The following CACNA1F variants were observed in gnomAD, a reference collection of about 807,000 sequenced individuals.
CACNA1F encodes calcium voltage-gated channel subunit alpha1 F, also known as voltage-dependent L-type calcium channel subunit alpha-1F.
Under a neutral mutation model 143.8 loss-of-function variants are expected in CACNA1F, and 59 were observed. That is an observed-to-expected ratio of 0.41 (90% CI 0.33 to 0.51). CACNA1F has a LOEUF of 0.51. Ranked by LOEUF, CACNA1F falls within the 20% of genes least tolerant of loss-of-function variation. The pLI, the probability that CACNA1F is intolerant of heterozygous loss-of-function variation, is 0.22. For synonymous variants in CACNA1F, 643 were observed against 649.1 expected (o/e 0.99, Z 0.14); for missense variants, 1,411 against 1,647.5 (o/e 0.86, Z 2.48).
At chrX:49,207,748 T>G (rs1485904344) in intron 43 of CACNA1F, among the ~76,000 whole-genome samples, 1 of 109,239 alleles carries the variant, frequency 9.2e-6, no homozygotes, top group African/African-American at 3.3e-5. Flanking sequence ...CACTCTGAAA[T>G]TTTTTTTTAA....
rs1557109510 is a variant in CACNA1F, at chrX:49,224,885, A to C, written c.1753T>G (p.Phe585Val). The C allele has an allele frequency of 8.3e-7, 1 of 1,207,282 alleles. No homozygotes were observed. Among genetic ancestry groups the C allele is most frequent in the Admixed American group, 2.2e-5 (1 of 45,945 alleles). ...CCCCCACAGACCACAAAGCAGTCAA[A>C]GCGGTTGAAGAAGGAAGACACATAG... ...SAYVSSFFNR[F>V]DCFVVCGGIL... The change falls in exon 14 of 48, where the codon TTT (phenylalanine) becomes GTT (valine). Residue 585 changes from phenylalanine to valine, a missense_variant. Phe to Val is a conservative substitution (Grantham distance 50). Transcript: ENST00000323022.
At chrX:49,208,208 A>G (rs1203476740) in intron 43 of CACNA1F, among the ~76,000 whole-genome samples, 1 of 109,332 alleles carries the variant, frequency 9.1e-6, no homozygotes, top group Non-Finnish European at 1.9e-5. Flanking sequence ...AAAAAAAAAA[A>G]AAAAAAAAAA....
intron 43 of CACNA1F, among the ~76,000 whole-genome samples, chrX:49,207,394 G>A (rs1175823149): frequency 1.8e-5 from 2 of 111,563 alleles, no homozygotes; most frequent in Admixed American, 9.5e-5. Context: ...TTAGGAGTGG[G>A]GGGAGCCTGT....
chrX:49,225,094 G>A lies in CACNA1F; in HGVS notation c.1652-108C>T, dbSNP rs782780999. The A allele has an allele frequency of 5.5e-4, 303 of 549,601 alleles. 1 individual carries two copies. The African/African-American group carries it at 6.0e-3, about 11-fold the overall frequency. 45.3% of individuals were successfully genotyped at this position (549,601 alleles called of 1,213,427 possible). On this transcript the variant is annotated intron_variant, in intron 13 of 47. Transcript: ENST00000323022. ...CCCACGGTAGCTGGTATCAGGCCAG[G>A]TGCTGGCTGAGGGAAGGCTTAGGGC... is the stretch of plus-strand genomic sequence containing the variant.
chrX:49,205,634 G>A lies in CACNA1F; in HGVS notation c.5652C>T (p.Ala1884=), dbSNP rs782554706. 6 of 1,202,303 alleles carry A rather than the reference G, an allele frequency of 5.0e-6. No homozygotes were observed. The African/African-American group carries it at 7.0e-5, about 14-fold the overall frequency. ...GACTCACAGCCTCCACCAAGCTGTC[G>A]GCACTGCCCCTCTTCCCATGGCTGG... The part of the protein sequence containing the change: ...SDPSHGKRGS[A]DSLVEAVLIS... Residue 1884 remains alanine, a synonymous_variant, in exon 47 of 48, where the codon GCC becomes GCT. Coordinates refer to ENST00000323022, the MANE Select transcript of CACNA1F (RefSeq NM_001256789.3).
intron 17 of CACNA1F, among the ~76,000 whole-genome samples, chrX:49,221,988 T>TA (rs60236413): frequency 0.089 from 8,875 of 100,139 alleles, 1,089 homozygotes; most frequent in African/African-American, 0.31. Context: ...CATATCAGAA[T>TA]AAAAAAAAAA....
At chrX:49,226,561 C>T in intron 10 of CACNA1F, 49 bp downstream of exon 10, 1 of 1,160,208 alleles carries the variant, frequency 8.6e-7, no homozygotes, top group South Asian at 1.9e-5. Context: ...CAATCTTTGG[C>T]TTTCACCTCT....
chrX:49,209,731 G>A lies in CACNA1F; in HGVS notation c.4719C>T (p.Tyr1573=), dbSNP rs782525398. 5 of 1,211,325 alleles carry A rather than the reference G, an allele frequency of 4.1e-6. No homozygotes were observed. In the East Asian group the frequency reaches 8.9e-5, roughly 21 times the overall value. Residue 1573 remains tyrosine (Y), a synonymous_variant, in exon 41 of 48, where the codon TAC becomes TAT. Coordinates refer to ENST00000323022, the MANE Select transcript of CACNA1F (RefSeq NM_001256789.3). The part of the protein sequence containing the change: ...DEEEVTVGKF[Y]ATFLIQDYFR... The stretch of plus-strand genomic sequence containing the variant: ...AATAGTCCTGGATCAGAAATGTGGC[G>A]TAGAATTTGCCCACGGTGACCTCCT...
At chrX:49,219,175 G>C (rs1208433591) in intron 21 of CACNA1F, 146 bp downstream of exon 21, 1 of 633,404 alleles carries the variant, frequency 1.6e-6, no homozygotes, top group Non-Finnish European at 2.5e-6. Flanking sequence ...TGCCGTAAAG[G>C]CTGGCATTGC....
intron 33 of CACNA1F, 99 bp downstream of exon 33, chrX:49,212,568 G>A (rs1338731908): frequency 1.1e-6 from 1 of 915,120 alleles, no homozygotes; most frequent in Admixed American, 2.5e-5. Flanking sequence ...AAATGGGTAT[G>A]GCATGTTGGG....
At chrX:49,211,171 G>T in intron 36 of CACNA1F, 79 bp from the exon 37 acceptor site, 1 of 1,120,069 alleles carries the variant, frequency 8.9e-7, no homozygotes, top group Admixed American at 2.2e-5. Context: ...GCTGGGGCGG[G>T]CTTATATGGT....
At chrX:49,206,071 G>A (rs1255627682) in intron 46 of CACNA1F, among the ~76,000 whole-genome samples, 4 of 111,281 alleles carry the variant, frequency 3.6e-5, no homozygotes, top group African/African-American at 9.8e-5. Context: ...AGCATTGTGT[G>A]CATTCATTCA....
intron 36 of CACNA1F, 91 bp downstream of exon 36, chrX:49,211,231 A>G (rs940977246): frequency 9.4e-5 from 105 of 1,119,764 alleles, no homozygotes; most frequent in South Asian, 3.1e-4. Flanking sequence ...CTCACCCACT[A>G]TGAAGATCTG....
intron 33 of CACNA1F, among the ~76,000 whole-genome samples, 165 bp from the exon 34 acceptor site, chrX:49,212,473 A>T (rs2065667079): frequency 8.9e-6 from 1 of 112,251 alleles, no homozygotes; most frequent in Non-Finnish European, 1.9e-5. Context: ...CATAGTGTTA[A>T]GTAGATAGAG....
chrX:49,216,291 G>A (rs1204034909), intron 27 of CACNA1F, 91 bp downstream of exon 27: 5 of 972,140 alleles, frequency 5.1e-6, no homozygotes, highest in Non-Finnish European at 7.3e-6. Context: ...CATCCCCAAG[G>A]TACACTCCCA....
intron 17 of CACNA1F, among the ~76,000 whole-genome samples, chrX:49,222,034 C>T (rs1220915164): frequency 1.8e-5 from 2 of 109,261 alleles, no homozygotes; most frequent in Non-Finnish European, 3.8e-5. Context: ...AAGCTTTGCA[C>T]TTGCCACTCC....
rs201940615 is a variant in CACNA1F at position 49,215,577 on chromosome X, C to T, written c.3237-34G>A. 231 of 929,554 alleles carry T rather than the reference C, an allele frequency of 2.5e-4. No homozygotes were observed. In the East Asian group the frequency reaches 6.1e-3, roughly 24 times the overall value. 76.6% of individuals were successfully genotyped at this position (929,554 alleles called of 1,213,427 possible). On this transcript the variant is annotated intron_variant, in intron 27 of 47. Coordinates refer to ENST00000323022, the MANE Select transcript of CACNA1F (RefSeq NM_001256789.3). ...GCCAGAGGGGGGGTAGAGGTGGGGG[C>T]AGGTGAGGGGATATCCCAGCCCCCT...
At chrX:49,228,943 T>A (rs1182517587) in intron 6 of CACNA1F, among the ~76,000 whole-genome samples, 1 of 111,902 alleles carries the variant, frequency 8.9e-6, no homozygotes, top group Non-Finnish European at 1.9e-5. Context: ...TCTGAACCAC[T>A]GGGAAGCTAG....
rs782419277 is a variant in CACNA1F, at chrX:49,225,949, A to C, written c.1611T>G (p.Ser537=). The C allele has an allele frequency of 3.4e-6, 4 of 1,169,675 alleles. No individual in the cohort carries two copies. The highest frequency in any genetic ancestry group is 4.6e-6 in the Non-Finnish European group (4 of 873,851). ...LVFLNTLTIA[S]EHHGQPVWLT... is the part of the protein sequence containing the mutation. ...GCCACACAGGCTGCCCGTGGTGCTC[A>C]GAGGCGATGGTCAACGTGTTGAGGA... Residue 537 remains serine, a synonymous_variant, in exon 13 of 48, where the codon TCT becomes TCG. Transcript: ENST00000323022.
Sources: allele counts gnomAD v4.1 joint callset (sites outside exome capture counted in the v4.1 genomes callset), GRCh38; gene constraint gnomAD v4.1.1; transcripts MANE v1.5; gene names NCBI Gene and HGNC (gene_info 2026-07-23, HGNC 2026-07-21).